Variants in GALNTL6 observed in about 807,000 individuals in gnomAD.
GALNTL6 encodes the protein polypeptide N-acetylgalactosaminyltransferase-like 6.
GALNTL6 carries 46 observed loss-of-function variants against 73.7 expected under a neutral mutation model. The ratio of observed to expected loss-of-function variants is 0.62; its 90% CI spans 0.49 to 0.80. The LOEUF is 0.80. GALNTL6 is among the 30% of genes least tolerant of loss of function. The probability of loss-of-function intolerance (pLI) is 0.00; values close to 1 mark genes in which losing one functional copy is unlikely to be tolerated. For missense variants in GALNTL6, 604 were observed against 755.0 expected, an observed-to-expected ratio of 0.80 and a Z score of 2.34; for synonymous variants, 259 against 263.7, an observed-to-expected ratio of 0.98 and a Z score of 0.17.
At chr4:172,779,698 T>C (rs1258831382) in intron 5 of GALNTL6, among the ~76,000 whole-genome samples, 2 of 152,214 alleles carry the variant, frequency 1.3e-5, no homozygotes, top group Non-Finnish European at 2.9e-5. Context: ...TTAAAGGTGC[T>C]GAAAGCCCAT....
intron 8 of GALNTL6, among the ~76,000 whole-genome samples, chr4:172,912,481 A>G (rs1747263736): frequency 6.6e-6 from 1 of 152,218 alleles, no homozygotes; most frequent in Non-Finnish European, 1.5e-5. Context: ...GGAAGCCATG[A>G]CAGACGGTAC....
intron 10 of GALNTL6, among the ~76,000 whole-genome samples, chr4:172,990,399 T>C (rs1751486592): frequency 6.6e-6 from 1 of 152,180 alleles, no homozygotes; most frequent in Non-Finnish European, 1.5e-5. Context: ...AAGTTTTCTA[T>C]ACTCTGAAAA....
intron 2 of GALNTL6, among the ~76,000 whole-genome samples, chr4:172,115,817 G>C (rs114325923): frequency 0.021 from 3,159 of 152,040 alleles, 109 homozygotes; most frequent in African/African-American, 0.07. Context: ...AGAAATTACA[G>C]TGAGGAATAA....
intron 2 of GALNTL6, among the ~76,000 whole-genome samples, chr4:172,157,877 G>C (rs1734333446): frequency 6.6e-6 from 1 of 152,060 alleles, no homozygotes; most frequent in Non-Finnish European, 1.5e-5. Flanking sequence ...AGCTATGTTT[G>C]CTAGTTCTTC....
At chr4:172,264,574 AT>A (rs1738378282) in intron 3 of GALNTL6, among the ~76,000 whole-genome samples, 1 of 116,524 alleles carries the variant, frequency 8.6e-6, no homozygotes, top group African/African-American at 3.8e-5. Flanking sequence ...ATATATATAT[AT>A]ATATATATAT....
chr4:172,654,027 CTCTT>C (rs1355450590), intron 5 of GALNTL6, among the ~76,000 whole-genome samples: 2 of 152,308 alleles, frequency 1.3e-5, no homozygotes, highest in Admixed American at 6.5e-5. Context: ...ACTCTTTTCT[CTCTT>C]TCTCTCTCTC....
intron 10 of GALNTL6, among the ~76,000 whole-genome samples, chr4:172,969,921 T>C (rs1273567359): frequency 6.6e-6 from 1 of 152,176 alleles, no homozygotes; most frequent in East Asian, 1.9e-4. Flanking sequence ...AAGTGTCAGC[T>C]GGTCTGAGAA....
At chr4:172,124,209 A>G (rs1468618253) in intron 2 of GALNTL6, among the ~76,000 whole-genome samples, 2 of 152,246 alleles carry the variant, frequency 1.3e-5, no homozygotes, top group Non-Finnish European at 2.9e-5. Flanking sequence ...ATCCATATCA[A>G]TAACATACCC....
rs746588567 is a variant in GALNTL6, at chr4:171,837,327, A to G, written c.138+22609A>G. ...TGAAAGAAGCTAAAGAAATATTACA[A>G]CTAAATGCAAGGCATGAGAGTGAAC... On this transcript the variant is annotated intron_variant, in intron 2 of 12. Coordinates refer to ENST00000506823, the MANE Select transcript of GALNTL6 (RefSeq NM_001034845.3). 3.5e-4 allele frequency among the ~76,000 whole-genome samples: 53 copies of G among 152,054 alleles called. 1 individual carries two copies. Among genetic ancestry groups the G allele is most frequent in the Non-Finnish European group, 5.6e-4 (38 of 67,996 alleles).
chr4:172,814,788 A>G (rs910067722), intron 7 of GALNTL6, among the ~76,000 whole-genome samples: 5 of 152,178 alleles, frequency 3.3e-5, no homozygotes, highest in African/African-American at 9.7e-5. Flanking sequence ...GTCTTTAGAA[A>G]AATGAACTCC....
At chr4:173,016,554 C>T (rs993943859) in intron 11 of GALNTL6, among the ~76,000 whole-genome samples, 2 of 152,180 alleles carry the variant, frequency 1.3e-5, no homozygotes, top group African/African-American at 2.4e-5. Context: ...TTTGGACTTG[C>T]ATGGGGCCTT....
intron 5 of GALNTL6, among the ~76,000 whole-genome samples, chr4:172,501,791 A>G (rs985274114): frequency 5.9e-5 from 9 of 152,150 alleles, no homozygotes; most frequent in Non-Finnish European, 1.3e-4. Flanking sequence ...TCTTCCCAAA[A>G]TATGTATAAG....
chr4:171,820,149 G>C (rs1402587568), intron 2 of GALNTL6, among the ~76,000 whole-genome samples: 1 of 152,096 alleles, frequency 6.6e-6, no homozygotes, highest in Admixed American at 6.6e-5. Flanking sequence ...TATCTATATA[G>C]GGTTCATTTA....
intron 5 of GALNTL6, among the ~76,000 whole-genome samples, chr4:172,729,735 A>T (rs1472486658): frequency 6.6e-6 from 1 of 152,210 alleles, no homozygotes. Flanking sequence ...GTGGTTCCAT[A>T]TAAACTTTAG....
chr4:172,953,378 G>A (rs1240396138), intron 10 of GALNTL6, among the ~76,000 whole-genome samples: 1 of 152,208 alleles, frequency 6.6e-6, no homozygotes, highest in Non-Finnish European at 1.5e-5. Flanking sequence ...AATGCATGAA[G>A]GCTAGATGTT....
At chr4:172,706,065 C>A (rs1734333734) in intron 5 of GALNTL6, among the ~76,000 whole-genome samples, 1 of 152,018 alleles carries the variant, frequency 6.6e-6, no homozygotes, top group African/African-American at 2.4e-5. Flanking sequence ...AGCTTTCTAC[C>A]CCTTGCTCTT....
chr4:172,552,867 C>G (rs1036073273), intron 5 of GALNTL6, among the ~76,000 whole-genome samples: 1 of 76,238 alleles, frequency 1.3e-5, no homozygotes, highest in Non-Finnish European at 2.5e-5. Flanking sequence ...AGGTAAAAAC[C>G]GCAATTACTT....
intron 5 of GALNTL6, among the ~76,000 whole-genome samples, chr4:172,715,407 A>G (rs1735010978): frequency 6.6e-6 from 1 of 152,228 alleles, no homozygotes; most frequent in Non-Finnish European, 1.5e-5. Context: ...GGCCAGCATA[A>G]AAGAGTGCAG....
chr4:172,499,294 A>G (rs1430464326), intron 5 of GALNTL6, among the ~76,000 whole-genome samples: 6 of 152,136 alleles, frequency 3.9e-5, no homozygotes, highest in African/African-American at 1.4e-4. Context: ...TTAGCACCTT[A>G]TAAGAGGAGA....
Sources: gnomAD v4.1 joint callset for allele counts (sites outside exome capture counted in the v4.1 genomes callset) on GRCh38, gnomAD v4.1.1 for gene constraint, MANE v1.5 for transcripts, NCBI Gene and HGNC (gene_info 2026-07-23, HGNC 2026-07-21) for gene names.